LRRC4B: variants seen among roughly 807,000 people sequenced by gnomAD.
The protein encoded by LRRC4B is leucine-rich repeat-containing protein 4B.
LRRC4B carries 1 observed loss-of-function variant against 7.3 expected under a neutral mutation model. The ratio of observed to expected loss-of-function variants is 0.14; its 90% CI spans 0.05 to 0.65. The LOEUF (loss-of-function observed/expected upper bound fraction) is 0.65. Ranked by LOEUF, LRRC4B falls within the 30% of genes least tolerant of loss-of-function variation. The pLI is 0.84. For synonymous variants in LRRC4B, 500 were observed against 499.2 expected, an observed-to-expected ratio of 1.00 and a Z score of -0.02; for missense variants, 730 against 1,041.6, an observed-to-expected ratio of 0.70 and a Z score of 4.12.
rs1045292519 is a variant in LRRC4B, at chr19:50,517,059, G to T, written c.*512C>A. ...CCCCCCCGCGCCGACGACAGGGACC[G>T]CCGGCCGGGAGCAGAGCCGGGCGCT... On this transcript the variant is annotated 3_prime_UTR_variant, in exon 3 of 3. Transcript: ENST00000652263. This position sits in a 1 kb window ranked among gnomAD's most constrained non-coding sequence, Gnocchi z 6.6. 6.6e-6 allele frequency: 1 copy of T among 152,012 alleles called. No individual in the cohort carries two copies. Among genetic ancestry groups the T allele is most frequent in the East Asian group, 1.9e-4 (1 of 5,150 alleles). The allele number at this position is 152,012 out of a possible 1,614,324, so 9.4% of individuals were successfully genotyped here. A position where few individuals can be genotyped will look rare whatever the true frequency, so the allele number is the denominator to read the frequency against.
At chr19:50,533,302 C>T (rs1008084426) in intron 2 of LRRC4B, among the ~76,000 whole-genome samples, 10 of 152,100 alleles carry the variant, frequency 6.6e-5, no homozygotes, top group African/African-American at 2.4e-4. Flanking sequence ...TCCATTTCTT[C>T]TCTCTACTGT....
At chr19:50,561,510 G>A (rs1033917428) in intron 1 of LRRC4B, among the ~76,000 whole-genome samples, 4 of 152,316 alleles carry the variant, frequency 2.6e-5, no homozygotes, top group African/African-American at 7.2e-5. Context: ...AAGGCAAGAG[G>A]ATCGCATGAG....
intron 2 of LRRC4B, among the ~76,000 whole-genome samples, chr19:50,546,495 A>G (rs1981814608): frequency 1.3e-5 from 2 of 152,042 alleles, no homozygotes; most frequent in Admixed American, 6.6e-5. Flanking sequence ...CACACCCTCC[A>G]TCCATGTCTC....
Position 50,530,928 on chromosome 19 carries a change from T to TGG in LRRC4B, c.298-11515_298-11514dup, listed in dbSNP as rs35771555. Among the ~76,000 whole-genome samples the TGG allele has an allele frequency of 8.5e-3, 949 of 111,438 alleles. 1 individual carries two copies. Among genetic ancestry groups the TGG allele is most frequent in the Middle Eastern group, 0.015 (3 of 204 alleles). The allele number at this position is 111,438 out of a possible 152,430, so 73.1% of individuals were successfully genotyped here. ...ATTTTTTGTATTTTTAGTAGAAACC[T>TGG]GGGGGGGGGGGGTCTCTCTATGTTG... On this transcript the variant is annotated intron_variant, in intron 2 of 2. Coordinates refer to ENST00000652263, the MANE Select transcript of LRRC4B (RefSeq NM_001080457.2).
At chr19:50,525,314 T>G (rs1443068320) in intron 2 of LRRC4B, among the ~76,000 whole-genome samples, 1 of 152,142 alleles carries the variant, frequency 6.6e-6, no homozygotes, top group Non-Finnish European at 1.5e-5. Context: ...ATTGTTATCG[T>G]TATCGTTGGC....
At chr19:50,542,511 C>G (rs920210655) in intron 2 of LRRC4B, among the ~76,000 whole-genome samples, 1 of 137,876 alleles carries the variant, frequency 7.3e-6, no homozygotes, top group Non-Finnish European at 1.5e-5. Context: ...GAGTCTCGCT[C>G]TGTCACTCAG....
chr19:50,568,416 G>A lies in LRRC4B; in HGVS notation c.-508C>T. Among the ~76,000 whole-genome samples the A allele has an allele frequency of 6.9e-6, 1 of 145,022 alleles. No homozygotes were observed. The highest frequency in any genetic ancestry group is 1.5e-5 in the Non-Finnish European group (1 of 65,750). On this transcript the variant is annotated 5_prime_UTR_variant, in exon 1 of 3. Coordinates refer to ENST00000652263, the MANE Select transcript of LRRC4B (RefSeq NM_001080457.2). ...GCGACCGAGAGCAGCCGAGAGCGGC[G>A]GAGACGGGAGCGGAATACTGATGAT...
rs1183315474 is a variant in LRRC4B at position 50,537,219 on chromosome 19, C to G, written c.297+11323G>C. ...CCAGCCTGCCTGGGCCGAGTCCCAG[C>G]TCCGTTACTAACCATGGGACCAGGA... On this transcript the variant is annotated intron_variant, in intron 2 of 2. Coordinates refer to ENST00000652263, the MANE Select transcript of LRRC4B (RefSeq NM_001080457.2). This position sits in a 1 kb window ranked among gnomAD's most constrained non-coding sequence, Gnocchi z 5.5. Among the ~76,000 whole-genome samples, 1 of 152,206 alleles carries G rather than the reference C, an allele frequency of 6.6e-6. No individual in the cohort carries two copies. The highest frequency in any genetic ancestry group is 1.5e-5 in the Non-Finnish European group (1 of 68,042).
intron 1 of LRRC4B, among the ~76,000 whole-genome samples, chr19:50,559,748 T>C (rs1430094009): frequency 6.6e-6 from 1 of 152,246 alleles, no homozygotes; most frequent in Non-Finnish European, 1.5e-5. Flanking sequence ...AAAAGGGTGC[T>C]GCTAAAAGTC....
intron 2 of LRRC4B, among the ~76,000 whole-genome samples, chr19:50,532,538 C>A (rs1376311657): frequency 6.6e-6 from 1 of 152,226 alleles, no homozygotes; most frequent in Non-Finnish European, 1.5e-5. Flanking sequence ...TTTGCACAGG[C>A]TCTGCCCCTT....
chr19:50,518,870 C>T lies in LRRC4B; in HGVS notation c.843G>A (p.Glu281=), dbSNP rs766524978. 11 of 1,614,072 alleles carry T rather than the reference C, an allele frequency of 6.8e-6. No homozygotes were observed. The highest frequency in any genetic ancestry group is 8.5e-6 in the Non-Finnish European group (10 of 1,179,974). Residue 281 remains glutamate (E), a synonymous_variant, in exon 3 of 3, where the codon GAG becomes GAA. Transcript: ENST00000652263. ...TCAGGTTGTTGTGGGACAGGTTGAG[C>T]TCCTCCAGCGACTTGAGGTCGTCGA... The part of the protein sequence containing the change: ...NAFDDLKSLE[E]LNLSHNNLMS...
rs765760700 is a variant in LRRC4B at position 50,518,691 on chromosome 19, T to A, written c.1022A>T (p.His341Leu). The A allele has an allele frequency of 2.5e-6, 4 of 1,613,660 alleles. No homozygotes were observed. The South Asian group carries it at 4.4e-5, about 18-fold the overall frequency. The change falls in exon 3 of 3, where the codon CAT becomes CTT. Residue 341 changes from histidine to leucine, a missense_variant. His to Leu is a moderately conservative substitution (Grantham distance 99). Around this residue, in one of 6 missense-constraint regions of LRRC4B, gnomAD observed 226 missense variants for 448.0 expected, o/e 0.50. Coordinates refer to ENST00000652263, the MANE Select transcript of LRRC4B (RefSeq NM_001080457.2). ...PSNTTCCARC[H>L]APAGLKGRYI... ...GCGCCCCTTGAGGCCGGCGGGCGCA[T>A]GACAGCGGGCGCAGCACGTCGTGTT...
At chr19:50,544,506 C>CA (rs200624838) in intron 2 of LRRC4B, among the ~76,000 whole-genome samples, 167 of 126,110 alleles carry the variant, frequency 1.3e-3, no homozygotes, top group Middle Eastern at 5.0e-3. Context: ...GACTCCGTCT[C>CA]AAAAAAAAAA....
chr19:50,528,069 G>T (rs1457026194), intron 2 of LRRC4B, among the ~76,000 whole-genome samples: 2 of 151,608 alleles, frequency 1.3e-5, no homozygotes, highest in Non-Finnish European at 2.9e-5. Context: ...TTCTGACAGG[G>T]TCTCCCTCTG....
At chr19:50,524,436 T>A (rs73591008) in intron 2 of LRRC4B, among the ~76,000 whole-genome samples, 7,002 of 152,166 alleles carry the variant, frequency 0.046, 536 homozygotes, top group African/African-American at 0.16. Context: ...TAATTTTTTG[T>A]AGAGATGGGG....
intron 1 of LRRC4B, among the ~76,000 whole-genome samples, chr19:50,554,585 G>A (rs1023124152): frequency 6.6e-6 from 1 of 152,190 alleles, no homozygotes; most frequent in Non-Finnish European, 1.5e-5. Flanking sequence ...TGGATAACAG[G>A]AATGCTGGCT....
In LRRC4B at chr19:50,556,932, C is replaced by T. The variant is rs1982295494; in HGVS notation, c.-35-8059G>A. Among the ~76,000 whole-genome samples, 1 of 148,554 alleles carries T rather than the reference C, an allele frequency of 6.7e-6. No homozygotes were observed. Among genetic ancestry groups the T allele is most frequent in the Non-Finnish European group, 1.5e-5 (1 of 67,128 alleles). On this transcript the variant is annotated intron_variant, in intron 1 of 2. Coordinates refer to ENST00000652263, the MANE Select transcript of LRRC4B (RefSeq NM_001080457.2). The surrounding 1 kb of genome is among the most constrained non-coding windows in gnomAD (Gnocchi z 4.2). ...GGGAATGTCGAGCTGTTACAGAGGC[C>T]GTGGCAATGGGCCGGGGGCGGGGGG...
chr19:50,547,412 A>G (rs2122888321), intron 2 of LRRC4B, among the ~76,000 whole-genome samples: 1 of 152,184 alleles, frequency 6.6e-6, no homozygotes, highest in East Asian at 1.9e-4. Context: ...TCCCAGGGAC[A>G]GACCAGGCAG....
At chr19:50,533,437 T>C (rs546920726) in intron 2 of LRRC4B, among the ~76,000 whole-genome samples, 1 of 145,454 alleles carries the variant, frequency 6.9e-6, no homozygotes, top group African/African-American at 2.8e-5. Context: ...CAAAGACCAG[T>C]TAATTCTTCT....
Sources: allele counts gnomAD v4.1 joint callset (sites outside exome capture counted in the v4.1 genomes callset), GRCh38; gene constraint gnomAD v4.1.1; regional missense constraint gnomAD v4.1.1; non-coding constraint Gnocchi (gnomAD v3.1); transcripts MANE v1.5; gene names NCBI Gene and HGNC (gene_info 2026-07-23, HGNC 2026-07-21).